CHERP: variants seen among roughly 807,000 people sequenced by gnomAD.
The protein encoded by CHERP is ERPROT 213-21.
In CHERP, 8 loss-of-function variants were observed where a neutral mutation model predicts 113.8. The ratio of observed to expected loss-of-function variants is 0.07; its 90% CI spans 0.04 to 0.13. The LOEUF (loss-of-function observed/expected upper bound fraction) is 0.13, where lower values mean the gene tolerates loss of function less well. Among genes scored for constraint, CHERP ranks in the 10% least tolerant of loss-of-function variants. The pLI is 1.00. For missense variants in CHERP, 884 were observed against 1,298.2 expected (o/e 0.68, Z 4.90); for synonymous variants, 559 against 524.5 (o/e 1.07, Z -0.90).
rs899582585 is a variant in CHERP at position 16,519,012 on chromosome 19, C to T, written c.*147G>A. 23 of 769,518 alleles carry T rather than the reference C, an allele frequency of 3.0e-5. No homozygotes were observed. Among genetic ancestry groups the T allele is most frequent in the Admixed American group, 5.7e-5 (2 of 34,878 alleles). The allele number at this position is 769,518 out of a possible 1,614,324, so 47.7% of individuals were successfully genotyped here. ...GAGCACGGCGTTCCCACTGGGCATG[C>T]GCTGGTCTTCCTTCTCTTCCTGTGG... On this transcript the variant is annotated 3_prime_UTR_variant, in exon 17 of 17. Coordinates refer to ENST00000546361, the MANE Select transcript of CHERP (RefSeq NM_006387.6). This position sits in a 1 kb window ranked among gnomAD's most constrained non-coding sequence, Gnocchi z 6.0.
rs1189447523 is a variant in CHERP at position 16,530,923 on chromosome 19, G to A, written c.675-43C>T. On this transcript the variant is annotated intron_variant, in intron 5 of 16. Coordinates refer to ENST00000546361, the MANE Select transcript of CHERP (RefSeq NM_006387.6). The surrounding 1 kb of genome is among the most constrained non-coding windows in gnomAD (Gnocchi z 4.1). ...TCCGCGCGTCAGGGCCCTGGGGCGGGACCCGGCCACGCGCCCGTTACCATC... is the reference window on the plus strand; with the variant it reads ...TCCGCGCGTCAGGGCCCTGGGGCGGAACCCGGCCACGCGCCCGTTACCATC... 5.6e-6 allele frequency: 9 copies of A among 1,599,702 alleles called. No individual in the cohort carries two copies. The highest frequency in any genetic ancestry group is 7.7e-6 in the Non-Finnish European group (9 of 1,174,090).
At position 16,530,270 on chromosome 19, in the gene CHERP, C is replaced by T. The variant is rs1478839244; in HGVS notation, c.876+315G>A. Among the ~76,000 whole-genome samples the T allele has an allele frequency of 6.6e-6, 1 of 152,242 alleles. No homozygotes were observed. The highest frequency in any genetic ancestry group is 1.5e-5 in the Non-Finnish European group (1 of 68,040). On this transcript the variant is annotated intron_variant, in intron 7 of 16. Transcript: ENST00000546361. The surrounding 1 kb of genome is among the most constrained non-coding windows in gnomAD (Gnocchi z 4.1). ...TCTCAGCAAGAGGGGCTGCCACAGCCTAAGCCACGTCTGGGCTTCCTCATG... is the reference window on the plus strand; with the variant it reads ...TCTCAGCAAGAGGGGCTGCCACAGCTTAAGCCACGTCTGGGCTTCCTCATG...
In CHERP at chr19:16,530,046, G is replaced by T; in HGVS notation, c.877-146C>A. The T allele has an allele frequency of 9.4e-7, 1 of 1,067,878 alleles. No individual in the cohort carries two copies. Among genetic ancestry groups the T allele is most frequent in the Non-Finnish European group, 1.3e-6 (1 of 749,716 alleles). The allele number at this position is 1,067,878 out of a possible 1,614,324, so 66.2% of individuals were successfully genotyped here. A position where few individuals can be genotyped will look rare whatever the true frequency, so the allele number is the denominator to read the frequency against. On this transcript the variant is annotated intron_variant, in intron 7 of 16. Coordinates refer to ENST00000546361, the MANE Select transcript of CHERP (RefSeq NM_006387.6). The surrounding 1 kb of genome is among the most constrained non-coding windows in gnomAD (Gnocchi z 4.1). The stretch of plus-strand genomic sequence containing the variant: ...ACCGTCACGTGAAACAGCCAACACA[G>T]TCTGGGCAATCAGTGTGCGCTGGGA...
At chr19:16,541,788 A>C (rs1936517638) in intron 2 of CHERP, 82 bp downstream of exon 2, 1 of 1,410,580 alleles carries the variant, frequency 7.1e-7, no homozygotes, top group African/African-American at 1.4e-5. Context: ...ACCCGAAAGA[A>C]AGAGGTTTGT....
At position 16,523,277 on chromosome 19, in the gene CHERP, A is replaced by G; in HGVS notation, c.1755T>C (p.Pro585=). Residue 585 remains proline, a synonymous_variant, in exon 11 of 17, where the codon CCT becomes CCC. Transcript: ENST00000546361. The surrounding 1 kb of genome is among the most constrained non-coding windows in gnomAD (Gnocchi z 4.0). ...QGDFPAEMGP[P]HHHPGHRMPH... ...GCATGCGGTGGCCAGGGTGGTGGTGAGGGGGCCCCATTTCTGCAAAACAGA... is the reference window on the plus strand; with the variant it reads ...GCATGCGGTGGCCAGGGTGGTGGTGGGGGGGCCCCATTTCTGCAAAACAGA... 1 of 1,601,460 alleles carries G rather than the reference A, an allele frequency of 6.2e-7. No homozygotes were observed. The highest frequency in any genetic ancestry group is 1.1e-5 in the South Asian group (1 of 90,142).
At chr19:16,540,944 C>T (rs759012707) in intron 2 of CHERP, among the ~76,000 whole-genome samples, 35 of 152,068 alleles carry the variant, frequency 2.3e-4, no homozygotes, top group Non-Finnish European at 8.8e-5. Context: ...GTGATCTGCC[C>T]GCCTTGGACT....
rs372757352 is a variant in CHERP at position 16,523,009 on chromosome 19, T to C, written c.1980+43A>G. The C allele has an allele frequency of 2.0e-6, 3 of 1,481,522 alleles. No homozygotes were observed. Among genetic ancestry groups the C allele is most frequent in the African/African-American group, 2.9e-5 (2 of 68,454 alleles). 91.8% of individuals were successfully genotyped at this position (1,481,522 alleles called of 1,614,324 possible). On this transcript the variant is annotated intron_variant, in intron 11 of 16. Coordinates refer to ENST00000546361, the MANE Select transcript of CHERP (RefSeq NM_006387.6). The surrounding 1 kb of genome is among the most constrained non-coding windows in gnomAD (Gnocchi z 4.0). Reference sequence around the variant, plus strand: ...TTTCACAAGGAGAAACGGGGACCAGTATGGTAAGCGTGCTCAGCTTGGAGC... The same window carrying C: ...TTTCACAAGGAGAAACGGGGACCAGCATGGTAAGCGTGCTCAGCTTGGAGC...
At chr19:16,524,244 CA>C (rs201918193) in intron 10 of CHERP, among the ~76,000 whole-genome samples, 3 of 151,322 alleles carry the variant, frequency 2.0e-5, no homozygotes, top group Admixed American at 2.0e-4. Flanking sequence ...GGCTCAGTCT[CA>C]AAAAAACAAC....
rs1264221801 is a variant in CHERP, at chr19:16,532,867, C to A, written c.523-118G>T. 33 of 1,523,090 alleles carry A rather than the reference C, an allele frequency of 2.2e-5. No individual in the cohort carries two copies. The Admixed American group carries it at 2.3e-4, about 11-fold the overall frequency. The allele number at this position is 1,523,090 out of a possible 1,614,324, so 94.3% of individuals were successfully genotyped here. On this transcript the variant is annotated intron_variant, in intron 4 of 16. Coordinates refer to ENST00000546361, the MANE Select transcript of CHERP (RefSeq NM_006387.6). The surrounding 1 kb of genome is among the most constrained non-coding windows in gnomAD (Gnocchi z 4.4). ...AAGGACACACCATGAGCGTGGGGGG[C>A]ACAGGGTCCCACAGCCTCAGGAGCT...
intron 11 of CHERP, among the ~76,000 whole-genome samples, chr19:16,522,158 G>A (rs1488385621): frequency 1.3e-5 from 2 of 152,106 alleles, no homozygotes; most frequent in African/African-American, 2.4e-5. Flanking sequence ...CCATGGCTCC[G>A]TGAAGTCTGC....
In CHERP at chr19:16,517,895, C is replaced by T. The variant is rs2122231725; in HGVS notation, c.*1264G>A. On this transcript the variant is annotated 3_prime_UTR_variant, in exon 17 of 17. Coordinates refer to ENST00000546361, the MANE Select transcript of CHERP (RefSeq NM_006387.6). Reference sequence around the variant, plus strand: ...ACTTACACATGTGCGGGAGAAAGGTCTTTAAAAAAAGGCTTTATTTGAAGG... The same window carrying T: ...ACTTACACATGTGCGGGAGAAAGGTTTTTAAAAAAAGGCTTTATTTGAAGG... 1 of 152,348 alleles carries T rather than the reference C, an allele frequency of 6.6e-6. No individual in the cohort carries two copies. The allele number at this position is 152,348 out of a possible 1,614,324, so 9.4% of individuals were successfully genotyped here. A position where few individuals can be genotyped will look rare whatever the true frequency, so the allele number is the denominator to read the frequency against.
chr19:16,523,018 C>G lies in CHERP; in HGVS notation c.1980+34G>C. 6.7e-7 allele frequency: 1 copy of G among 1,490,984 alleles called. No homozygotes were observed. The highest frequency in any genetic ancestry group is 8.9e-7 in the Non-Finnish European group (1 of 1,123,624). The allele number at this position is 1,490,984 out of a possible 1,614,324, so 92.4% of individuals were successfully genotyped here. A position where few individuals can be genotyped will look rare whatever the true frequency, so the allele number is the denominator to read the frequency against. ...GAGAAACGGGGACCAGTATGGTAAG[C>G]GTGCTCAGCTTGGAGCCCACTGTGG... On this transcript the variant is annotated intron_variant, in intron 11 of 16. Coordinates refer to ENST00000546361, the MANE Select transcript of CHERP (RefSeq NM_006387.6). This position sits in a 1 kb window ranked among gnomAD's most constrained non-coding sequence, Gnocchi z 4.0.
At chr19:16,533,964 G>A (rs888190126) in intron 3 of CHERP, among the ~76,000 whole-genome samples, 1 of 152,182 alleles carries the variant, frequency 6.6e-6, no homozygotes, top group African/African-American at 2.4e-5. Context: ...CTGCCATGCG[G>A]ACCAGCGGTC....
intron 2 of CHERP, 94 bp downstream of exon 2, chr19:16,541,776 C>A: frequency 7.5e-7 from 1 of 1,331,420 alleles, no homozygotes; most frequent in Non-Finnish European, 1.0e-6. Context: ...AAAGAATAAA[C>A]GACCCGAAAG....
At chr19:16,534,601 AAGT>A (rs2085728942) in intron 3 of CHERP, among the ~76,000 whole-genome samples, 1 of 151,772 alleles carries the variant, frequency 6.6e-6, no homozygotes, top group Non-Finnish European at 1.5e-5. Context: ...TCAGCCTCCC[AAGT>A]AGCTGGGATT....
Position 16,519,566 on chromosome 19 carries a change from C to A in CHERP, c.2557+55G>T. On this transcript the variant is annotated intron_variant, in intron 16 of 16. Coordinates refer to ENST00000546361, the MANE Select transcript of CHERP (RefSeq NM_006387.6). The surrounding 1 kb of genome is among the most constrained non-coding windows in gnomAD (Gnocchi z 6.0). ...AGGAAGAGAAAGCGCTGGTGACTCCCGGGCCCAGCACGCGTGAGGACCCAT... is the reference window on the plus strand; with the variant it reads ...AGGAAGAGAAAGCGCTGGTGACTCCAGGGCCCAGCACGCGTGAGGACCCAT... 1 of 1,493,736 alleles carries A rather than the reference C, an allele frequency of 6.7e-7. No homozygotes were observed. The highest frequency in any genetic ancestry group is 9.3e-7 in the Non-Finnish European group (1 of 1,071,722). 92.5% of individuals were successfully genotyped at this position (1,493,736 alleles called of 1,614,324 possible).
intron 2 of CHERP, among the ~76,000 whole-genome samples, chr19:16,538,706 T>G (rs1230064781): frequency 6.6e-6 from 1 of 151,872 alleles, no homozygotes; most frequent in Non-Finnish European, 1.5e-5. Flanking sequence ...AAAGCACTTC[T>G]TGGCTTCAAT....
In CHERP at chr19:16,525,441, G is replaced by A. The variant is rs760937760; in HGVS notation, c.1542C>T (p.Phe514=). The A allele has an allele frequency of 2.9e-5, 44 of 1,540,788 alleles. No homozygotes were observed. The highest frequency in any genetic ancestry group is 3.4e-5 in the Non-Finnish European group (39 of 1,142,824). The change falls in exon 10 of 17, where the codon TTC becomes TTT. Residue 514 remains phenylalanine, a synonymous_variant. Transcript: ENST00000546361. The surrounding 1 kb of genome is among the most constrained non-coding windows in gnomAD (Gnocchi z 6.5). ...PWGGGQREPP[F]RMQRPPHFRG... is the part of the protein sequence containing the mutation. ...GGAAGTGTGGGGGCCGCTGCATGCGGAAGGGTGGCTCGCGCTGGCCCCCGC... is the reference window on the plus strand; with the variant it reads ...GGAAGTGTGGGGGCCGCTGCATGCGAAAGGGTGGCTCGCGCTGGCCCCCGC...
At position 16,520,974 on chromosome 19, in the gene CHERP, A is replaced by G. The variant is rs1459789674; in HGVS notation, c.2115-62T>C. 13 of 1,417,412 alleles carry G rather than the reference A, an allele frequency of 9.2e-6. No individual in the cohort carries two copies. The highest frequency in any genetic ancestry group is 1.4e-5 in the African/African-American group (1 of 71,186). 87.8% of individuals were successfully genotyped at this position (1,417,412 alleles called of 1,614,324 possible). A position where few individuals can be genotyped will look rare whatever the true frequency, so the allele number is the denominator to read the frequency against. ...ACCCACCCACAAGGAAGTCGTGAAA[A>G]AGTCATCAGGAGTTAATCCACAGAA... On this transcript the variant is annotated intron_variant, in intron 12 of 16. Transcript: ENST00000546361. This position sits in a 1 kb window ranked among gnomAD's most constrained non-coding sequence, Gnocchi z 4.0.
Sources: allele counts gnomAD v4.1 joint callset (sites outside exome capture counted in the v4.1 genomes callset), GRCh38; gene constraint gnomAD v4.1.1; non-coding constraint Gnocchi (gnomAD v3.1); transcripts MANE v1.5; gene names NCBI Gene and HGNC (gene_info 2026-07-23, HGNC 2026-07-21).